TENM1: variants seen among roughly 807,000 people sequenced by gnomAD.
TENM1 encodes the protein teneurin-1.
TENM1 carries 35 observed loss-of-function variants against 174.8 expected under a neutral mutation model. The observed-to-expected ratio is 0.20, with a 90% CI of 0.15 to 0.27. TENM1 has a LOEUF of 0.27. Ranked by LOEUF, TENM1 falls within the 10% of genes least tolerant of loss-of-function variation. The pLI is 1.00. For missense variants in TENM1, 1,633 were observed against 2,130.1 expected (o/e 0.77, Z 4.59); for synonymous variants, 781 against 798.7 (o/e 0.98, Z 0.37).
rs761407926 is a variant in TENM1, at chrX:124,485,764, G to A, written c.3716+1445C>T. Among the ~76,000 whole-genome samples, 11 of 111,619 alleles carry A rather than the reference G, an allele frequency of 9.9e-5. No individual in the cohort carries two copies. In the South Asian group the frequency reaches 3.4e-3, roughly 35 times the overall value. ...ACCCAGACACATAGGGAGCTTGTCC[G>A]GGGTCACTAACAAGTTTGGGCCTGG... On this transcript the variant is annotated intron_variant, in intron 21 of 31. Transcript: ENST00000422452.
intron 3 of TENM1, among the ~76,000 whole-genome samples, chrX:124,814,668 G>A (rs1004358356): frequency 3.6e-5 from 4 of 111,236 alleles, no homozygotes; most frequent in Non-Finnish European, 7.5e-5. Flanking sequence ...CATGGCCTGC[G>A]TAACCAAGTT....
At chrX:124,454,217 TGA>T (rs1239043069) in intron 22 of TENM1, among the ~76,000 whole-genome samples, 1 of 111,476 alleles carries the variant, frequency 9.0e-6, no homozygotes, top group African/African-American at 3.3e-5. Flanking sequence ...TGACTCTGAT[TGA>T]GTCATTCATT....
At chrX:124,509,007 A>T (rs1374054065) in intron 18 of TENM1, among the ~76,000 whole-genome samples, 1 of 111,398 alleles carries the variant, frequency 9.0e-6, no homozygotes, top group Non-Finnish European at 1.9e-5. Context: ...GTTGAACAAG[A>T]CAGCATCCCT....
chrX:125,104,102 G>A, the TENM1 span, among the ~76,000 whole-genome samples: 1 of 112,204 alleles, frequency 8.9e-6, no homozygotes, highest in Non-Finnish European at 1.9e-5. Flanking sequence ...GTCACCACAA[G>A]GGCTGTAAAG....
chrX:124,380,251 G>A (rs986319130), exon 32 of TENM1: 9 of 245,788 alleles, frequency 3.7e-5, no homozygotes, highest in South Asian at 1.3e-4. Flanking sequence ...TGCATGGCTC[G>A]GCAAATTGAA....
At chrX:125,045,344 T>C in the TENM1 span, among the ~76,000 whole-genome samples, 1 of 111,151 alleles carries the variant, frequency 9.0e-6, no homozygotes, top group African/African-American at 3.3e-5. Flanking sequence ...CCATTTGTGG[T>C]TTGTTTTCTA....
At chrX:124,469,840 G>A (rs1403221943) in intron 22 of TENM1, among the ~76,000 whole-genome samples, 1 of 111,340 alleles carries the variant, frequency 9.0e-6, no homozygotes, top group East Asian at 2.8e-4. Context: ...AACTGGAAGG[G>A]GATATGAAAG....
At chrX:124,522,689 C>CTT (rs1333404267) in intron 17 of TENM1, among the ~76,000 whole-genome samples, 241 of 97,188 alleles carry the variant, frequency 2.5e-3, no homozygotes, top group African/African-American at 8.7e-3. Flanking sequence ...AAGTAGATTT[C>CTT]TTTTTTTTTT....
At chrX:124,966,013 G>A (rs1198574292), upstream of TENM1, among the ~76,000 whole-genome samples, 2 of 111,621 alleles carry the variant, frequency 1.8e-5, no homozygotes, top group Non-Finnish European at 3.8e-5. Flanking sequence ...TCAGGCCAAA[G>A]AACTTGAAGT....
At chrX:124,638,616 C>A (rs372767643) in intron 11 of TENM1, among the ~76,000 whole-genome samples, 2 of 111,494 alleles carry the variant, frequency 1.8e-5, no homozygotes, top group East Asian at 5.7e-4. Context: ...TTTCCACACT[C>A]TCCCTGGACA....
intron 22 of TENM1, among the ~76,000 whole-genome samples, chrX:124,454,692 G>C (rs780247516): frequency 9.0e-6 from 1 of 111,708 alleles, no homozygotes; most frequent in Non-Finnish European, 1.9e-5. Context: ...GTGAGATATC[G>C]GGCCTGGCCC....
chrX:124,897,307 GT>G (rs1230223215), intron 1 of TENM1, among the ~76,000 whole-genome samples: 1 of 111,602 alleles, frequency 9.0e-6, no homozygotes, highest in Non-Finnish European at 1.9e-5. Flanking sequence ...CTTAGATAAG[GT>G]AATCCGGAGA....
chrX:124,992,401 A>C, the TENM1 span, among the ~76,000 whole-genome samples: 1 of 110,977 alleles, frequency 9.0e-6, no homozygotes, highest in African/African-American at 3.3e-5. Context: ...CATAAGCAAA[A>C]GCTTCTCTCT....
rs148910204 is a variant in TENM1 at position 124,600,111 on chromosome X, C to A, written c.2078-34551G>T. Among the ~76,000 whole-genome samples, 22 of 109,964 alleles carry A rather than the reference C, an allele frequency of 2.0e-4. No homozygotes were observed. The East Asian group carries it at 5.4e-3, about 27-fold the overall frequency. On this transcript the variant is annotated intron_variant, in intron 11 of 31. Coordinates refer to ENST00000422452, the Ensembl canonical transcript of TENM1. ...CCATGAGGGCCTGGGAATAGCAATA[C>A]CCCAATAGCAATGAACACACCTAGT... is the stretch of plus-strand genomic sequence containing the variant.
chrX:124,677,451 G>T lies in TENM1; in HGVS notation c.1016-5616C>A, dbSNP rs146290977. Among the ~76,000 whole-genome samples the T allele has an allele frequency of 8.3e-3, 926 of 111,327 alleles. 11 individuals are homozygous for T. The highest frequency in any genetic ancestry group is 0.029 in the African/African-American group (894 of 30,715). On this transcript the variant is annotated intron_variant, in intron 5 of 31. Transcript: ENST00000422452. ...GCTGATAGGAGTGTACAGTGGTAAA[G>T]TGGCTTTGGAAGACAATGTTGATAT...
intron 1 of TENM1, among the ~76,000 whole-genome samples, chrX:124,914,255 G>C (rs906887962): frequency 2.7e-5 from 3 of 111,343 alleles, no homozygotes; most frequent in African/African-American, 9.8e-5. Context: ...CTTAATGTCT[G>C]GTAATGGAAA....
chrX:124,653,222 T>A (rs779918470), intron 7 of TENM1, among the ~76,000 whole-genome samples: 1 of 111,694 alleles, frequency 9.0e-6, no homozygotes, highest in African/African-American at 3.3e-5. Context: ...TAATATGCGT[T>A]CCTTCATTGG....
the TENM1 span, among the ~76,000 whole-genome samples, chrX:125,061,996 C>T: frequency 3.6e-5 from 4 of 112,185 alleles, no homozygotes; most frequent in Non-Finnish European, 7.5e-5. Context: ...GTTCAGATTC[C>T]AAACTATGAA....
At chrX:124,668,245 T>G (rs891335586) in intron 6 of TENM1, among the ~76,000 whole-genome samples, 7 of 111,803 alleles carry the variant, frequency 6.3e-5, no homozygotes, top group African/African-American at 2.0e-4. Context: ...TTTTACACTG[T>G]TGGTGGGACT....
Sources: gnomAD v4.1 joint callset for allele counts (sites outside exome capture counted in the v4.1 genomes callset) on GRCh38, gnomAD v4.1.1 for gene constraint, MANE v1.5 for transcripts, NCBI Gene and HGNC (gene_info 2026-07-23, HGNC 2026-07-21) for gene names.